PLAUR: variants seen among roughly 807,000 people sequenced by gnomAD.
PLAUR encodes the protein urokinase plasminogen activator surface receptor.
A neutral mutation model predicts 33.4 loss-of-function variants in PLAUR; 22 were observed. The ratio of observed to expected loss-of-function variants is 0.66; its 90% confidence interval spans 0.47 to 0.94. The LOEUF is 0.94. Ranked by LOEUF, PLAUR falls within the 40% of genes least tolerant of loss-of-function variation. The pLI is 0.00. For missense variants in PLAUR, 408 were observed against 434.7 expected (o/e 0.94, Z 0.55); for synonymous variants, 148 against 167.3 (o/e 0.88, Z 0.89).
chr19:43,663,815 AC>A (rs1310665567), intron 3 of PLAUR, among the ~76,000 whole-genome samples: 1 of 149,006 alleles, frequency 6.7e-6, no homozygotes, highest in Non-Finnish European at 1.5e-5. Flanking sequence ...AAAAACAAAA[AC>A]AAAAGGAAAC....
At chr19:43,656,987 A>G (rs574895605) in intron 3 of PLAUR, among the ~76,000 whole-genome samples, 2 of 138,480 alleles carry the variant, frequency 1.4e-5, no homozygotes, top group East Asian at 4.2e-4. Context: ...TCCGTCACCC[A>G]GGCTGGAACG....
Position 43,668,401 on chromosome 19 carries a change from C to T in PLAUR, c.56-710G>A, listed in dbSNP as rs534158372. 72 of 694,074 alleles carry T rather than the reference C, an allele frequency of 1.0e-4. No individual in the cohort carries two copies. The South Asian group carries it at 4.2e-3, about 40-fold the overall frequency. 43.0% of individuals were successfully genotyped at this position (694,074 alleles called of 1,614,324 possible). A position where few individuals can be genotyped will look rare whatever the true frequency, so the allele number is the denominator to read the frequency against. ...CTCTTCCTGACCTTATCTTCCCGCC[C>T]CCTAGCTCCTCCCCGATGCCATAAC... On this transcript the variant is annotated intron_variant, in intron 1 of 6. Coordinates refer to ENST00000340093, the MANE Select transcript of PLAUR (RefSeq NM_002659.4).
At chr19:43,666,022 C>G (rs1967227658) in intron 2 of PLAUR, among the ~76,000 whole-genome samples, 1 of 151,686 alleles carries the variant, frequency 6.6e-6, no homozygotes, top group African/African-American at 2.4e-5. Context: ...TATCCCTCCC[C>G]CACACCCTCA....
chr19:43,669,988 C>T (rs1967454125), intron 1 of PLAUR, 78 bp downstream of exon 1: 4 of 1,381,806 alleles, frequency 2.9e-6, no homozygotes, highest in Non-Finnish European at 4.1e-6. Context: ...CGCATTCCTC[C>T]AACTCATCCT....
At position 43,667,636 on chromosome 19, in the gene PLAUR, T is replaced by C; in HGVS notation, c.111A>G (p.Glu37=). 1 of 1,614,028 alleles carries C rather than the reference T, an allele frequency of 6.2e-7. No individual in the cohort carries two copies. Among genetic ancestry groups the C allele is most frequent in the South Asian group, 1.1e-5 (1 of 91,070 alleles). ...QCKTNGDCRV[E]ECALGQDLCR... ...AGAGGTCCTGTCCCAGGGCGCACTC[T>C]TCCACACGGCAATCCCCGTTGGTCT... is the stretch of plus-strand genomic sequence containing the variant. The change falls in exon 2 of 7, where the codon GAA becomes GAG. Residue 37 remains glutamate (E), a synonymous_variant. Coordinates refer to ENST00000340093, the MANE Select transcript of PLAUR (RefSeq NM_002659.4).
chr19:43,664,117 A>G (rs1967125534), intron 3 of PLAUR, among the ~76,000 whole-genome samples: 14 of 152,130 alleles, frequency 9.2e-5, no homozygotes, highest in Admixed American at 9.2e-4. Context: ...GCTTTCCTTA[A>G]GCACATCTCA....
At chr19:43,668,347 AT>A (rs1600147179) in intron 1 of PLAUR, 10 of 977,016 alleles carry the variant, frequency 1.0e-5, no homozygotes, top group Non-Finnish European at 1.2e-5. Context: ...CTCCAGACTC[AT>A]CGTCGAGGTT....
At chr19:43,666,462 T>C (rs1967255865) in intron 2 of PLAUR, among the ~76,000 whole-genome samples, 1 of 152,044 alleles carries the variant, frequency 6.6e-6, no homozygotes, top group African/African-American at 2.4e-5. Context: ...TCTTCTTTTC[T>C]TTCTTTCTCC....
chr19:43,663,797 C>CAA (rs370189339), intron 3 of PLAUR, among the ~76,000 whole-genome samples: 8 of 62,488 alleles, frequency 1.3e-4, no homozygotes, highest in Non-Finnish European at 2.1e-4. Context: ...AACAAACAAA[C>CAA]AAAAAAAAAA....
At chr19:43,665,267 G>A (rs1270529840) in intron 3 of PLAUR, 49 bp downstream of exon 3, 44 of 1,590,562 alleles carry the variant, frequency 2.8e-5, no homozygotes, top group African/African-American at 4.0e-5. Flanking sequence ...TGATGAGGTT[G>A]AGCTGGGGAT....
At chr19:43,646,755 C>T (rs1381540875), downstream of PLAUR, among the ~76,000 whole-genome samples, 2 of 151,320 alleles carry the variant, frequency 1.3e-5, no homozygotes, top group African/African-American at 4.9e-5. Flanking sequence ...AGAACCTTGT[C>T]CCTCACCTGC....
At chr19:43,668,691 G>A (rs540075121) in intron 1 of PLAUR, among the ~76,000 whole-genome samples, 17 of 124,822 alleles carry the variant, frequency 1.4e-4, no homozygotes, top group Non-Finnish European at 2.3e-4. Context: ...TGAGGTTCCA[G>A]CCCCGCCCTC....
intron 3 of PLAUR, among the ~76,000 whole-genome samples, chr19:43,660,154 G>A (rs1382484088): frequency 2.1e-4 from 6 of 28,882 alleles, no homozygotes; most frequent in Admixed American, 6.4e-4. Flanking sequence ...AGAGTCTTGC[G>A]TTTTGTTTTG....
At chr19:43,647,542 C>T (rs1039045862), downstream of PLAUR, among the ~76,000 whole-genome samples, 1 of 152,152 alleles carries the variant, frequency 6.6e-6, no homozygotes, top group Admixed American at 6.6e-5. Context: ...CACGGTGGCT[C>T]ATGCCTGTAA....
downstream of PLAUR, chr19:43,646,103 AT>A (rs559673319): frequency 2.7e-4 from 47 of 171,638 alleles, no homozygotes; most frequent in South Asian, 1.2e-3. Flanking sequence ...CATCCAGCCA[AT>A]TTTTTTTTAT....
chr19:43,664,115 T>C (rs1454285252), intron 3 of PLAUR, among the ~76,000 whole-genome samples: 1 of 152,120 alleles, frequency 6.6e-6, no homozygotes, highest in African/African-American at 2.4e-5. Context: ...GTGCTTTCCT[T>C]AAGCACATCT....
At chr19:43,652,676 G>T (rs1383777524) in intron 5 of PLAUR, among the ~76,000 whole-genome samples, 2 of 151,976 alleles carry the variant, frequency 1.3e-5, no homozygotes, top group Non-Finnish European at 2.9e-5. Flanking sequence ...TTTGATACAG[G>T]GTCTCAGTTT....
intron 3 of PLAUR, chr19:43,656,863 G>T (rs1974236071): frequency 2.5e-6 from 1 of 398,152 alleles, no homozygotes; most frequent in Non-Finnish European, 4.5e-6. Context: ...TACCTCCCTA[G>T]CCTCTGGGTT....
chr19:43,660,186 GAC>G (rs1465183622), intron 3 of PLAUR, among the ~76,000 whole-genome samples: 1 of 100,790 alleles, frequency 9.9e-6, no homozygotes. Flanking sequence ...TTTGTTTTGA[GAC>G]AGAGTCTTGC....
Sources: gnomAD v4.1 joint callset for allele counts (sites outside exome capture counted in the v4.1 genomes callset) on GRCh38, gnomAD v4.1.1 for gene constraint, MANE v1.5 for transcripts, NCBI Gene and HGNC (gene_info 2026-07-23, HGNC 2026-07-21) for gene names.